TAB3: variants seen among roughly 807,000 people sequenced by gnomAD.
TAB3 encodes TGF-beta activated kinase 1 (MAP3K7) binding protein 3, also known as TGF-beta-activated kinase 1 and MAP3K7-binding protein 3.
Under a neutral mutation model 48.1 loss-of-function variants are expected in TAB3, and 18 were observed. The ratio of observed to expected loss-of-function variants is 0.37; its 90% CI spans 0.26 to 0.55. TAB3 has a LOEUF of 0.55. Among genes scored for constraint, TAB3 ranks in the 20% least tolerant of loss-of-function variants. The pLI is 0.78. For missense variants in TAB3, 414 were observed against 549.8 expected, an observed-to-expected ratio of 0.75 and a Z score of 2.47; for synonymous variants, 185 against 190.2, an observed-to-expected ratio of 0.97 and a Z score of 0.22.
At chrX:30,847,185 G>A in intron 7 of TAB3, among the ~76,000 whole-genome samples, 1 of 111,491 alleles carries the variant, frequency 9.0e-6, no homozygotes, top group South Asian at 3.7e-4. Flanking sequence ...TATAAAGCTA[G>A]TAATTGGTAG....
chrX:30,870,306 T>C (rs1037994201), intron 2 of TAB3, among the ~76,000 whole-genome samples: 2 of 112,528 alleles, frequency 1.8e-5, no homozygotes, highest in African/African-American at 6.5e-5. Context: ...AACCCTGAAA[T>C]CCAAGATCAC....
At chrX:30,842,152 A>G (rs1938470511) in intron 9 of TAB3, among the ~76,000 whole-genome samples, 1 of 112,780 alleles carries the variant, frequency 8.9e-6, no homozygotes, top group South Asian at 3.6e-4. Flanking sequence ...AAATAAGAAC[A>G]TGTTTGATAT....
At chrX:30,856,467 T>A (rs930588884) in intron 5 of TAB3, among the ~76,000 whole-genome samples, 2 of 112,000 alleles carry the variant, frequency 1.8e-5, no homozygotes, top group African/African-American at 6.5e-5. Context: ...AAATGTTAAT[T>A]TATCATAAAG....
intron 5 of TAB3, among the ~76,000 whole-genome samples, chrX:30,858,959 CTT>C (rs1458373805): frequency 9.0e-6 from 1 of 111,359 alleles, no homozygotes; most frequent in African/African-American, 3.3e-5. Context: ...TATCTAAAGA[CTT>C]TTAAAAAAAG....
Position 30,868,320 on chromosome X carries a change from A to ATATATATAGCT in TAB3, c.-279-772_-279-771insAGCTATATATA, listed in dbSNP as rs1939487963. 9.6e-5 allele frequency among the ~76,000 whole-genome samples: 6 copies of ATATATATAGCT among 62,321 alleles called. 2 individuals carry two copies. The highest frequency in any genetic ancestry group is 3.7e-4 in the African/African-American group (6 of 16,093). 54.1% of individuals were successfully genotyped at this position (62,321 alleles called of 115,157 possible). A position where few individuals can be genotyped will look rare whatever the true frequency, so the allele number is the denominator to read the frequency against. ...AAAGCTATATATATATATAGCTTAT[A>ATATATATAGCT]TATATATATATATAAGCTTTTATAT... On this transcript the variant is annotated intron_variant, in intron 2 of 10. Transcript: ENST00000288422.
intron 1 of TAB3, among the ~76,000 whole-genome samples, chrX:30,883,663 C>T (rs1457388071): frequency 8.9e-6 from 1 of 112,217 alleles, no homozygotes; most frequent in Non-Finnish European, 1.9e-5. Flanking sequence ...AGGAAGATAG[C>T]CCTACTGCCA....
At chrX:30,841,341 G>A (rs765765543) in intron 9 of TAB3, among the ~76,000 whole-genome samples, 24 of 110,320 alleles carry the variant, frequency 2.2e-4, no homozygotes, top group Non-Finnish European at 4.2e-4. Flanking sequence ...CTTGAACCTG[G>A]GAGGTGGAGG....
intron 1 of TAB3, among the ~76,000 whole-genome samples, chrX:30,881,961 A>G (rs1940010073): frequency 8.9e-6 from 1 of 112,383 alleles, no homozygotes; most frequent in Non-Finnish European, 1.9e-5. Context: ...ACTCAAAATT[A>G]ATTTCTTTGC....
At chrX:30,883,197 C>T (rs769488247) in intron 1 of TAB3, among the ~76,000 whole-genome samples, 95 of 111,586 alleles carry the variant, frequency 8.5e-4, no homozygotes, top group Non-Finnish European at 1.4e-3. Flanking sequence ...AACCATTCCT[C>T]AGTAGAAAGG....
Position 30,854,204 on chromosome X carries a change from T to C in TAB3, c.1461A>G (p.Ser487=), listed in dbSNP as rs1480756498. The stretch of plus-strand genomic sequence containing the variant: ...TTTCTCCCCCAGAGCCTGGTATCAC[T>C]GAAATGGGCTGAATAGGTTCTGGTG... ...SAAPEPIQPI[S]VIPGSGGEKG... is the part of the protein sequence containing the mutation. The change falls in exon 6 of 11, where the codon TCA becomes TCG. Residue 487 remains serine (S), a synonymous_variant. Transcript: ENST00000288422. 5.8e-6 allele frequency: 7 copies of C among 1,209,612 alleles called. No homozygotes were observed. The highest frequency in any genetic ancestry group is 6.7e-6 in the Non-Finnish European group (6 of 895,170).
At chrX:30,856,172 C>G (rs1028577327) in intron 5 of TAB3, among the ~76,000 whole-genome samples, 2 of 111,312 alleles carry the variant, frequency 1.8e-5, no homozygotes, top group Non-Finnish European at 3.8e-5. Flanking sequence ...TTAAGCAAAA[C>G]GAATCAGTAT....
In TAB3 at chrX:30,855,480, T is replaced by C. The variant is rs376786880; in HGVS notation, c.185A>G (p.Asp62Gly). The C allele has an allele frequency of 2.5e-6, 3 of 1,209,264 alleles. No individual in the cohort carries two copies. The African/African-American group carries it at 5.3e-5, about 21-fold the overall frequency. The change falls in exon 6 of 11, where the codon GAT (aspartate) becomes GGT (glycine). Residue 62 changes from aspartate to glycine, a missense_variant. Coordinates refer to ENST00000288422, the MANE Select transcript of TAB3 (RefSeq NM_152787.5). ...GCGATTTCTATTCATCCTATTGTCA[T>C]CTGGACTATGGTATTCCATATATAA... ...KYLYMEYHSP[D>G]DNRMNRNRLL...
chrX:30,888,595 A>G (rs908350220), intron 1 of TAB3, among the ~76,000 whole-genome samples: 3 of 112,403 alleles, frequency 2.7e-5, no homozygotes, highest in Non-Finnish European at 5.6e-5. Flanking sequence ...TTTAAAGGAA[A>G]GCAGTGTTTT....
At chrX:30,853,209 C>T (rs1357769211) in intron 6 of TAB3, among the ~76,000 whole-genome samples, 1 of 112,058 alleles carries the variant, frequency 8.9e-6, no homozygotes, top group Admixed American at 9.5e-5. Context: ...GACTACCAGG[C>T]ATACTGAATA....
intron 9 of TAB3, among the ~76,000 whole-genome samples, chrX:30,839,203 C>A (rs180873418): frequency 3.6e-3 from 398 of 111,740 alleles, no homozygotes; most frequent in Middle Eastern, 9.3e-3. Context: ...TTTTGTCTGT[C>A]AGGAATGGCT....
chrX:30,869,810 T>C (rs993913726), intron 2 of TAB3, among the ~76,000 whole-genome samples: 2 of 112,546 alleles, frequency 1.8e-5, no homozygotes, highest in Non-Finnish European at 3.7e-5. Flanking sequence ...TTTTGATTTA[T>C]TAATGTATTG....
At chrX:30,849,006 A>C (rs1938735695) in intron 7 of TAB3, among the ~76,000 whole-genome samples, 1 of 111,359 alleles carries the variant, frequency 9.0e-6, no homozygotes, top group Admixed American at 9.6e-5. Flanking sequence ...GTAAAACTTA[A>C]ATTTCCCCCT....
At chrX:30,840,480 G>A (rs1043355516) in intron 9 of TAB3, among the ~76,000 whole-genome samples, 20 of 111,274 alleles carry the variant, frequency 1.8e-4, no homozygotes, top group African/African-American at 6.5e-4. Flanking sequence ...TGTTATTTAT[G>A]GTGGGTCCCT....
chrX:30,878,491 G>A (rs1386085360), intron 1 of TAB3, among the ~76,000 whole-genome samples: 1 of 70,222 alleles, frequency 1.4e-5, no homozygotes, highest in African/African-American at 6.0e-5. Flanking sequence ...AACAGGGCAA[G>A]ACTCCATCTC....
Sources: gnomAD v4.1 joint callset for allele counts (sites outside exome capture counted in the v4.1 genomes callset) on GRCh38, gnomAD v4.1.1 for gene constraint, MANE v1.5 for transcripts, NCBI Gene and HGNC (gene_info 2026-07-23, HGNC 2026-07-21) for gene names.